The following TRPM3 variants were observed in gnomAD, a reference collection of about 807,000 sequenced individuals.
TRPM3 encodes long transient receptor potential channel 3.
TRPM3 carries 77 observed loss-of-function variants against 181.2 expected under a neutral mutation model. The observed-to-expected ratio is 0.42, with a 90% CI of 0.35 to 0.51. The LOEUF (loss-of-function observed/expected upper bound fraction) is 0.51. TRPM3 is among the 20% of genes least tolerant of loss of function. The pLI, the probability that TRPM3 is intolerant of heterozygous loss-of-function variation, is 0.01. For missense variants in TRPM3, 1,759 were observed against 2,196.7 expected (o/e 0.80, Z 3.98); for synonymous variants, 745 against 796.4 (o/e 0.94, Z 1.09).
chr9:70,975,991 T>C (rs2097298256), intron 1 of TRPM3, among the ~76,000 whole-genome samples: 1 of 152,110 alleles, frequency 6.6e-6, no homozygotes, highest in South Asian at 2.1e-4. Flanking sequence ...TTTCTATCCT[T>C]CCTCCCCCAG....
At chr9:71,327,036 C>A (rs964967691) in intron 1 of TRPM3, among the ~76,000 whole-genome samples, 1 of 152,208 alleles carries the variant, frequency 6.6e-6, no homozygotes, top group African/African-American at 2.4e-5. Context: ...TTGTGCAGAG[C>A]CTCTACTCTT....
chr9:71,233,475 T>C (rs2081188916), intron 1 of TRPM3, among the ~76,000 whole-genome samples: 2 of 152,216 alleles, frequency 1.3e-5, no homozygotes, highest in Admixed American at 6.5e-5. Context: ...TTAAAAGCCA[T>C]ATTAAGATGT....
At chr9:70,854,398 C>T (rs1279646381) in intron 3 of TRPM3, among the ~76,000 whole-genome samples, 3 of 152,252 alleles carry the variant, frequency 2.0e-5, no homozygotes, top group East Asian at 3.9e-4. Context: ...CCTCACAGGA[C>T]ACTGTGTGGA....
Position 70,545,548 on chromosome 9 carries a change from CT to C in TRPM3, c.3707+3993del, listed in dbSNP as rs5898150. 2.7e-3 allele frequency among the ~76,000 whole-genome samples: 306 copies of C among 113,330 alleles called. 7 individuals are homozygous for C. Among genetic ancestry groups the C allele is most frequent in the African/African-American group, 7.1e-3 (220 of 30,940 alleles). The allele number at this position is 113,330 out of a possible 152,430, so 74.3% of individuals were successfully genotyped here. On this transcript the variant is annotated intron_variant, in intron 25 of 25. Coordinates refer to ENST00000677713, the MANE Select transcript of TRPM3 (RefSeq NM_001366145.2). ...AGAGAAAAGAATTTTAATTTTCTTTCTTTTTTTTTTTTTTTTGAAGTGGAGT... is the reference window on the plus strand; with the variant it reads ...AGAGAAAAGAATTTTAATTTTCTTTCTTTTTTTTTTTTTTTGAAGTGGAGT...
At chr9:71,306,378 G>C (rs975918044) in intron 1 of TRPM3, among the ~76,000 whole-genome samples, 1 of 152,122 alleles carries the variant, frequency 6.6e-6, no homozygotes, top group African/African-American at 2.4e-5. Context: ...TGGGTTGAAT[G>C]AGGTGCTTTC....
chr9:70,542,994 GA>G (rs1175434978), intron 25 of TRPM3, among the ~76,000 whole-genome samples: 1 of 152,150 alleles, frequency 6.6e-6, no homozygotes, highest in Non-Finnish European at 1.5e-5. Flanking sequence ...GAGAAAAAGA[GA>G]AACAAGTTTA....
chr9:70,849,541 T>C (rs764034162), intron 3 of TRPM3, among the ~76,000 whole-genome samples: 2 of 152,102 alleles, frequency 1.3e-5, no homozygotes, highest in East Asian at 3.9e-4. Flanking sequence ...AAGATATTAG[T>C]TAATGTAAGG....
At chr9:70,614,675 A>G (rs990976780) in intron 18 of TRPM3, among the ~76,000 whole-genome samples, 5 of 152,172 alleles carry the variant, frequency 3.3e-5, no homozygotes, top group African/African-American at 1.2e-4. Flanking sequence ...CGAGACAACT[A>G]CTTGTGAGGT....
intron 1 of TRPM3, among the ~76,000 whole-genome samples, chr9:71,240,158 G>A (rs2081581239): frequency 6.6e-6 from 1 of 152,090 alleles, no homozygotes; most frequent in Non-Finnish European, 1.5e-5. Context: ...TTTTCCTCTG[G>A]AACTAGATGA....
intron 1 of TRPM3, among the ~76,000 whole-genome samples, chr9:71,361,383 G>A (rs1012440542): frequency 3.3e-5 from 5 of 152,142 alleles, no homozygotes; most frequent in Admixed American, 1.3e-4. Context: ...AAGAGTTATG[G>A]GAAAATTAAA....
chr9:71,336,177 C>A (rs565771470), intron 1 of TRPM3, among the ~76,000 whole-genome samples: 60 of 148,046 alleles, frequency 4.1e-4, no homozygotes, highest in Admixed American at 8.7e-4. Flanking sequence ...TACAAACTGT[C>A]CGAAAAAAAA....
intron 1 of TRPM3, among the ~76,000 whole-genome samples, chr9:71,152,455 A>T (rs1490259998): frequency 6.6e-6 from 1 of 152,178 alleles, no homozygotes; most frequent in East Asian, 1.9e-4. Context: ...CTACAAATAC[A>T]GTTTGGATTT....
intron 6 of TRPM3, among the ~76,000 whole-genome samples, chr9:70,808,821 T>C (rs17055861): frequency 2.6e-5 from 4 of 152,022 alleles, no homozygotes; most frequent in Non-Finnish European, 5.9e-5. Context: ...CCTTGACTGT[T>C]TGAGGCAGTA....
chr9:71,276,123 G>A (rs1217836162), intron 1 of TRPM3, among the ~76,000 whole-genome samples: 1 of 152,170 alleles, frequency 6.6e-6, no homozygotes. Flanking sequence ...TTACAGGCAT[G>A]AGCCACTGCA....
At chr9:70,913,281 G>A (rs1314305088) in intron 1 of TRPM3, among the ~76,000 whole-genome samples, 1 of 152,126 alleles carries the variant, frequency 6.6e-6, no homozygotes, top group Non-Finnish European at 1.5e-5. Flanking sequence ...GTATCCCAAT[G>A]GTCTTATTTA....
At chr9:71,235,543 T>C (rs1180067271) in intron 1 of TRPM3, among the ~76,000 whole-genome samples, 1 of 152,214 alleles carries the variant, frequency 6.6e-6, no homozygotes, top group Non-Finnish European at 1.5e-5. Context: ...GTCTGACAGA[T>C]GGAACAGATA....
intron 1 of TRPM3, among the ~76,000 whole-genome samples, chr9:71,138,347 C>A (rs1272770675): frequency 6.6e-6 from 1 of 152,090 alleles, no homozygotes; most frequent in African/African-American, 2.4e-5. Flanking sequence ...GGAGCTTTTC[C>A]ATCCCCAGGT....
At chr9:71,446,867 CCCA>C (rs1395746859), upstream of TRPM3, 6 of 1,501,042 alleles carry the variant, frequency 4.0e-6, no homozygotes, top group Non-Finnish European at 5.4e-6. Flanking sequence ...CGGGAAACAG[CCCA>C]GCGCCGAGCG....
intron 7 of TRPM3, among the ~76,000 whole-genome samples, chr9:70,772,487 A>G (rs2080504344): frequency 6.6e-6 from 1 of 151,974 alleles, no homozygotes; most frequent in Non-Finnish European, 1.5e-5. Context: ...ACACCTGGCT[A>G]ATTTTTCATA....
Sources: allele counts gnomAD v4.1 joint callset (sites outside exome capture counted in the v4.1 genomes callset), GRCh38; gene constraint gnomAD v4.1.1; transcripts MANE v1.5; gene names NCBI Gene and HGNC (gene_info 2026-07-23, HGNC 2026-07-21).